TRPM3: variants seen among roughly 807,000 people sequenced by gnomAD.
TRPM3 encodes long transient receptor potential channel 3.
In TRPM3, 77 loss-of-function variants were observed where a neutral mutation model predicts 181.2. That is an observed-to-expected ratio of 0.42 (90% CI 0.35 to 0.51). The LOEUF (loss-of-function observed/expected upper bound fraction) is 0.51. TRPM3 is among the 20% of genes least tolerant of loss of function. The pLI is 0.01. For missense variants in TRPM3, 1,759 were observed against 2,196.7 expected, an observed-to-expected ratio of 0.80 and a Z score of 3.98; for synonymous variants, 745 against 796.4, an observed-to-expected ratio of 0.94 and a Z score of 1.09.
chr9:71,226,655 T>C (rs770376554), intron 1 of TRPM3, among the ~76,000 whole-genome samples: 10 of 152,108 alleles, frequency 6.6e-5, no homozygotes, highest in Non-Finnish European at 1.5e-4. Context: ...TATATACACA[T>C]ATATACAGAT....
intron 1 of TRPM3, among the ~76,000 whole-genome samples, chr9:71,209,397 A>T (rs1440645332): frequency 1.6e-5 from 1 of 61,590 alleles, no homozygotes; most frequent in Non-Finnish European, 3.6e-5. Flanking sequence ...GGAGAGGGGG[A>T]AGGAGGGAGG....
intron 1 of TRPM3, among the ~76,000 whole-genome samples, chr9:70,960,724 C>T (rs540287258): frequency 6.6e-6 from 1 of 152,286 alleles, no homozygotes; most frequent in East Asian, 1.9e-4. Flanking sequence ...TTCTCACATG[C>T]AACATACCAG....
intron 1 of TRPM3, among the ~76,000 whole-genome samples, chr9:71,118,218 C>T (rs1202691992): frequency 3.3e-5 from 5 of 152,110 alleles, no homozygotes. Context: ...AAATTCATTT[C>T]CAAGTTTTAT....
intron 1 of TRPM3, among the ~76,000 whole-genome samples, chr9:71,208,075 T>A (rs1382440823): frequency 6.6e-6 from 1 of 152,120 alleles, no homozygotes; most frequent in Non-Finnish European, 1.5e-5. Context: ...AATTTTTTCT[T>A]CCATCTCTAG....
chr9:71,002,148 C>G (rs2097611014), intron 1 of TRPM3, among the ~76,000 whole-genome samples: 1 of 152,176 alleles, frequency 6.6e-6, no homozygotes, highest in Non-Finnish European at 1.5e-5. Flanking sequence ...GCCATATTCT[C>G]TTTTTGTTTC....
chr9:71,078,866 C>T (rs1203754382), intron 1 of TRPM3, among the ~76,000 whole-genome samples: 2 of 152,098 alleles, frequency 1.3e-5, no homozygotes, highest in African/African-American at 4.8e-5. Flanking sequence ...TAAGCAGATA[C>T]AAAGGTAATA....
intron 18 of TRPM3, among the ~76,000 whole-genome samples, chr9:70,615,178 G>A (rs1381579636): frequency 6.6e-6 from 1 of 152,244 alleles, no homozygotes; most frequent in East Asian, 1.9e-4. Context: ...AATGGTCATT[G>A]GTGGGGGTGG....
At chr9:71,382,147 T>C (rs1311946858) in intron 1 of TRPM3, among the ~76,000 whole-genome samples, 1 of 152,190 alleles carries the variant, frequency 6.6e-6, no homozygotes, top group Non-Finnish European at 1.5e-5. Flanking sequence ...ATTAGCTATA[T>C]AGCCTTGTAT....
chr9:70,687,239 C>T (rs2067201723), intron 8 of TRPM3, among the ~76,000 whole-genome samples: 1 of 151,974 alleles, frequency 6.6e-6, no homozygotes, highest in Non-Finnish European at 1.5e-5. Flanking sequence ...GTGATTTTGT[C>T]TTTTTTGTGT....
intron 25 of TRPM3, among the ~76,000 whole-genome samples, chr9:70,548,801 C>G (rs1187905617): frequency 6.6e-6 from 1 of 151,848 alleles, no homozygotes; most frequent in Non-Finnish European, 1.5e-5. Context: ...TTTCATAAAG[C>G]TAGACTTACT....
intron 1 of TRPM3, among the ~76,000 whole-genome samples, chr9:71,019,408 T>TA (rs1180703451): frequency 6.6e-6 from 1 of 152,070 alleles, no homozygotes; most frequent in African/African-American, 2.4e-5. Flanking sequence ...GGTCATTATC[T>TA]AAAAGGTCAA....
At chr9:71,228,096 C>A (rs1477230295) in intron 1 of TRPM3, among the ~76,000 whole-genome samples, 2 of 152,098 alleles carry the variant, frequency 1.3e-5, no homozygotes, top group African/African-American at 4.8e-5. Context: ...AATATACTAG[C>A]AAACTGAATT....
intron 1 of TRPM3, among the ~76,000 whole-genome samples, chr9:71,164,672 T>C (rs569839904): frequency 1.3e-5 from 2 of 152,248 alleles, no homozygotes; most frequent in African/African-American, 4.8e-5. Flanking sequence ...ATTGTTCCGA[T>C]TGGAACTTCG....
intron 1 of TRPM3, among the ~76,000 whole-genome samples, chr9:71,233,983 A>C (rs2081220928): frequency 1.3e-5 from 2 of 152,256 alleles, no homozygotes; most frequent in Admixed American, 1.3e-4. Context: ...CAGACTTAGT[A>C]GTTTACAATA....
intron 1 of TRPM3, among the ~76,000 whole-genome samples, chr9:71,336,527 CA>C (rs1203003358): frequency 6.6e-6 from 1 of 152,134 alleles, no homozygotes; most frequent in Non-Finnish European, 1.5e-5. Context: ...CCATACTGCC[CA>C]AAGTAATTTA....
At chr9:71,169,730 G>C (rs1282168554) in intron 1 of TRPM3, among the ~76,000 whole-genome samples, 1 of 151,894 alleles carries the variant, frequency 6.6e-6, no homozygotes, top group Non-Finnish European at 1.5e-5. Context: ...TGAGGTGGGC[G>C]GATCACCTGA....
rs767747475 is a variant in TRPM3, at chr9:70,536,226, A to G, written c.4887T>C (p.Asp1629=). The G allele has an allele frequency of 7.4e-6, 12 of 1,614,060 alleles. No homozygotes were observed. Among genetic ancestry groups the G allele is most frequent in the African/African-American group, 1.3e-5 (1 of 74,940 alleles). ...TGTTGGACAGGGTTCTCTCTGAGTT[A>G]TCACCCTCCTGGGAGGATATTGCAA... is the stretch of plus-strand genomic sequence containing the variant. ...ATIAISSQEG[D]NSERTLSNNI... is the part of the protein sequence containing the mutation. The change falls in exon 26 of 26, where the codon GAT becomes GAC. Residue 1629 remains aspartate (D), a synonymous_variant. Coordinates refer to ENST00000677713, the MANE Select transcript of TRPM3 (RefSeq NM_001366145.2).
chr9:70,896,294 A>G lies in TRPM3; in HGVS notation c.178-31783T>C, dbSNP rs143381453. Among the ~76,000 whole-genome samples, 8 of 152,314 alleles carry G rather than the reference A, an allele frequency of 5.3e-5. No homozygotes were observed. In the East Asian group the frequency reaches 1.5e-3, roughly 29 times the overall value. ...TTCTATCTGCCTGTGCTCCCTTTCT[A>G]GAGCAGGCTAACACAGTATAGCCTT... On this transcript the variant is annotated intron_variant, in intron 1 of 25. Transcript: ENST00000677713.
chr9:70,905,964 C>T (rs2096459152), intron 1 of TRPM3, among the ~76,000 whole-genome samples: 1 of 152,066 alleles, frequency 6.6e-6, no homozygotes, highest in African/African-American at 2.4e-5. Context: ...GCCTGCAATC[C>T]TCCTGCCTCA....
Sources: allele counts gnomAD v4.1 joint callset (sites outside exome capture counted in the v4.1 genomes callset), GRCh38; gene constraint gnomAD v4.1.1; transcripts MANE v1.5; gene names NCBI Gene and HGNC (gene_info 2026-07-23, HGNC 2026-07-21).